The following NECTIN3 variants were observed in gnomAD, a reference collection of about 807,000 sequenced individuals.
NECTIN3 encodes the protein nectin-3.
Under a neutral mutation model 49.4 loss-of-function variants are expected in NECTIN3, and 8 were observed. The ratio of observed to expected loss-of-function variants is 0.16; its 90% CI spans 0.10 to 0.29. The LOEUF is 0.29. Ranked by LOEUF, NECTIN3 falls within the 10% of genes least tolerant of loss-of-function variation. NECTIN3 has a pLI of 1.00. For synonymous variants in NECTIN3, 277 were observed against 241.1 expected, an observed-to-expected ratio of 1.15 and a Z score of -1.38; for missense variants, 581 against 654.6, an observed-to-expected ratio of 0.89 and a Z score of 1.23.
chr3:111,120,019 AAT>A (rs1336730137), intron 3 of NECTIN3, among the ~76,000 whole-genome samples: 1 of 152,184 alleles, frequency 6.6e-6, no homozygotes, highest in Non-Finnish European at 1.5e-5. Flanking sequence ...TAGTTTAAAA[AAT>A]GTTACTACCA....
intron 1 of NECTIN3, among the ~76,000 whole-genome samples, chr3:111,107,849 C>A (rs2033253265): frequency 1.3e-5 from 2 of 152,082 alleles, no homozygotes; most frequent in South Asian, 4.1e-4. Flanking sequence ...TGGTTTTTAA[C>A]ATTTGGATTT....
chr3:111,123,359 A>G (rs577429859), intron 4 of NECTIN3, among the ~76,000 whole-genome samples: 2 of 151,916 alleles, frequency 1.3e-5, no homozygotes, highest in East Asian at 3.9e-4. Flanking sequence ...CATTATGTAG[A>G]TATTTCTTAA....
At chr3:111,147,777 AAATACTTGTTGAAGACTTACTGTT>A (rs1432425499) in intron 7 of NECTIN3, among the ~76,000 whole-genome samples, 1 of 152,216 alleles carries the variant, frequency 6.6e-6, no homozygotes, top group African/African-American at 2.4e-5. Flanking sequence ...GCTTTTTACT[AAATACTTGTTGAAGACTTACTGTT>A]AATACAGTTT....
intron 5 of NECTIN3, among the ~76,000 whole-genome samples, chr3:111,132,351 A>G (rs1196402064): frequency 6.6e-6 from 1 of 151,864 alleles, no homozygotes; most frequent in Non-Finnish European, 1.5e-5. Context: ...GCATTCCGTG[A>G]TGAAACCTGT....
At chr3:111,089,970 A>G (rs958994181) in intron 1 of NECTIN3, among the ~76,000 whole-genome samples, 6 of 152,092 alleles carry the variant, frequency 3.9e-5, no homozygotes, top group African/African-American at 1.2e-4. Context: ...TTTTCCTGGG[A>G]CGTGGCTCTT....
At chr3:111,150,748 A>AT (rs769654473) in intron 7 of NECTIN3, among the ~76,000 whole-genome samples, 42 of 151,890 alleles carry the variant, frequency 2.8e-4, no homozygotes, top group Admixed American at 1.9e-3. Flanking sequence ...TAAACAACAT[A>AT]TTACGGTAGA....
At chr3:111,164,593 AG>A (rs1373773134) in intron 7 of NECTIN3, among the ~76,000 whole-genome samples, 5 of 152,240 alleles carry the variant, frequency 3.3e-5, no homozygotes, top group African/African-American at 1.2e-4. Flanking sequence ...AAGGTGTCCA[AG>A]GTCCTGGGGG....
chr3:111,121,064 G>A (rs1374668373), intron 3 of NECTIN3, among the ~76,000 whole-genome samples: 8 of 146,398 alleles, frequency 5.5e-5, no homozygotes, highest in Non-Finnish European at 9.0e-5. Context: ...GTGCAGTGGC[G>A]CGAACTAGGC....
chr3:111,189,165 G>C (rs1270023620), upstream of NECTIN3, among the ~76,000 whole-genome samples: 1 of 152,128 alleles, frequency 6.6e-6, no homozygotes, highest in Non-Finnish European at 1.5e-5. Context: ...TGGAAGCCAA[G>C]GTTGCTTAGA....
intron 7 of NECTIN3, among the ~76,000 whole-genome samples, chr3:111,161,227 A>T (rs2035206050): frequency 2.0e-5 from 3 of 152,112 alleles, no homozygotes; most frequent in Admixed American, 2.0e-4. Context: ...TTCAAACAGA[A>T]ATTGCTCTCT....
chr3:111,102,540 G>A (rs566171600), intron 1 of NECTIN3, among the ~76,000 whole-genome samples: 1 of 152,376 alleles, frequency 6.6e-6, no homozygotes, highest in East Asian at 1.9e-4. Flanking sequence ...CACTCAGGCA[G>A]CTGAAAGCTG....
downstream of NECTIN3, among the ~76,000 whole-genome samples, chr3:111,140,820 G>A (rs1226299064): frequency 1.3e-5 from 2 of 151,940 alleles, no homozygotes; most frequent in East Asian, 1.9e-4. Context: ...GGTGCTCTGT[G>A]TGGCAGGAAA....
At chr3:111,088,791 T>G (rs1021021048) in intron 1 of NECTIN3, among the ~76,000 whole-genome samples, 3 of 152,224 alleles carry the variant, frequency 2.0e-5, no homozygotes, top group Non-Finnish European at 4.4e-5. Context: ...AAATTTTTCT[T>G]TCTTAAAATG....
chr3:111,076,677 A>T (rs2107351913), intron 1 of NECTIN3, among the ~76,000 whole-genome samples: 1 of 152,240 alleles, frequency 6.6e-6, no homozygotes, highest in African/African-American at 2.4e-5. Context: ...TTTATTTAAA[A>T]TCTGTTGTGA....
chr3:111,099,848 A>G (rs1576097794), intron 1 of NECTIN3, among the ~76,000 whole-genome samples: 1 of 152,116 alleles, frequency 6.6e-6, no homozygotes, highest in Non-Finnish European at 1.5e-5. Flanking sequence ...TGGACCTCAA[A>G]CAATTTTAGT....
At chr3:111,174,404 A>T (rs527909407) in intron 7 of NECTIN3, among the ~76,000 whole-genome samples, 1 of 152,268 alleles carries the variant, frequency 6.6e-6, no homozygotes, top group Admixed American at 6.5e-5. Context: ...CACTGCGGAT[A>T]TATTGATGTG....
rs374026971 is a variant in NECTIN3, at chr3:111,158,920, A to G, written c.1221+11436A>G. On this transcript the variant is annotated intron_variant, in intron 7 of 8. Coordinates refer to the NECTIN3 transcript ENST00000493615. ...GAAGACAACCCAGTTTTTTAAAATG[A>G]GCATATTTATTTAGACTTTTTGTCA... Among the ~76,000 whole-genome samples, 32 of 152,290 alleles carry G rather than the reference A, an allele frequency of 2.1e-4. 3 individuals are homozygous for G. The highest frequency in any genetic ancestry group is 1.1e-3 in the Admixed American group (17 of 15,298).
At chr3:111,129,060 G>A (rs1435128220) in intron 5 of NECTIN3, among the ~76,000 whole-genome samples, 5 of 152,046 alleles carry the variant, frequency 3.3e-5, no homozygotes, top group Non-Finnish European at 7.4e-5. Flanking sequence ...GTCACTACTG[G>A]ACTCCTTGCT....
chr3:111,094,000 GTTAC>G (rs1430497952), intron 1 of NECTIN3, among the ~76,000 whole-genome samples: 1 of 152,020 alleles, frequency 6.6e-6, no homozygotes, highest in Non-Finnish European at 1.5e-5. Flanking sequence ...AATTGTGACA[GTTAC>G]TTTATTTCAT....
Sources: gnomAD v4.1 joint callset for allele counts (sites outside exome capture counted in the v4.1 genomes callset) on GRCh38, gnomAD v4.1.1 for gene constraint, MANE v1.5 for transcripts, NCBI Gene and HGNC (gene_info 2026-07-23, HGNC 2026-07-21) for gene names.